ARHGAP6: variants seen among roughly 807,000 people sequenced by gnomAD.
ARHGAP6 encodes rho GTPase-activating protein 6.
Under a neutral mutation model 55.7 loss-of-function variants are expected in ARHGAP6, and 16 were observed. That is an observed-to-expected ratio of 0.29 (90% confidence interval 0.19 to 0.44). The LOEUF (loss-of-function observed/expected upper bound fraction) is 0.44, where lower values mean the gene tolerates loss of function less well. Ranked by LOEUF, ARHGAP6 falls within the 20% of genes least tolerant of loss-of-function variation. The pLI, the probability that ARHGAP6 is intolerant of heterozygous loss-of-function variation, is 1.00. For synonymous variants in ARHGAP6, 382 were observed against 360.9 expected, an observed-to-expected ratio of 1.06 and a Z score of -0.66; for missense variants, 698 against 808.9, an observed-to-expected ratio of 0.86 and a Z score of 1.66.
At chrX:11,325,034 A>T (rs1269447467) in intron 1 of ARHGAP6, among the ~76,000 whole-genome samples, 7 of 111,049 alleles carry the variant, frequency 6.3e-5, no homozygotes, top group Middle Eastern at 4.2e-3. Context: ...AATTTTTTGT[A>T]TTTTTAGTAG....
intron 1 of ARHGAP6, among the ~76,000 whole-genome samples, chrX:11,382,858 A>G (rs1422888207): frequency 8.9e-6 from 1 of 112,300 alleles, no homozygotes; most frequent in African/African-American, 3.2e-5. Context: ...AAAGTCAGAA[A>G]CAACGAGGTC....
chrX:11,302,242 T>A (rs1359110909), intron 1 of ARHGAP6, among the ~76,000 whole-genome samples: 1 of 112,598 alleles, frequency 8.9e-6, no homozygotes, highest in Non-Finnish European at 1.9e-5. Context: ...AATATTTCCA[T>A]CACCATTCAG....
intron 1 of ARHGAP6, among the ~76,000 whole-genome samples, chrX:11,455,382 T>C (rs1414416909): frequency 1.8e-5 from 2 of 112,369 alleles, no homozygotes; most frequent in Non-Finnish European, 3.8e-5. Context: ...GAATAGTTAC[T>C]GATACTAGTT....
chrX:11,591,553 A>T lies in ARHGAP6; in HGVS notation c.588+72688T>A, dbSNP rs138763561. Among the ~76,000 whole-genome samples, 46 of 111,105 alleles carry T rather than the reference A, an allele frequency of 4.1e-4. 1 individual carries two copies. The East Asian group carries it at 0.011, about 26-fold the overall frequency. On this transcript the variant is annotated intron_variant, in intron 1 of 12. Coordinates refer to ENST00000337414, the MANE Select transcript of ARHGAP6 (RefSeq NM_013427.3). ...TGCTAGCCATAAAAAGAAATGAAGA[A>T]CTGATACATACTACAACACGGGTGC...
At chrX:11,498,740 G>C (rs1273360108) in intron 1 of ARHGAP6, among the ~76,000 whole-genome samples, 2 of 110,934 alleles carry the variant, frequency 1.8e-5, no homozygotes, top group African/African-American at 6.5e-5. Flanking sequence ...TGGGCAAAGG[G>C]AATTTAAAAA....
intron 1 of ARHGAP6, among the ~76,000 whole-genome samples, chrX:11,633,973 T>C (rs1601715864): frequency 1.8e-5 from 2 of 111,660 alleles, no homozygotes; most frequent in East Asian, 2.8e-4. Flanking sequence ...TAAGTTAATA[T>C]TTGTAAAACA....
chrX:11,624,999 C>A (rs1450140004), intron 1 of ARHGAP6, among the ~76,000 whole-genome samples: 1 of 111,805 alleles, frequency 8.9e-6, no homozygotes, highest in Non-Finnish European at 1.9e-5. Flanking sequence ...ATCCAAAAGA[C>A]AGAAAATAAC....
intron 1 of ARHGAP6, among the ~76,000 whole-genome samples, chrX:11,396,689 A>G (rs1354202636): frequency 1.8e-5 from 2 of 111,555 alleles, no homozygotes; most frequent in East Asian, 2.8e-4. Flanking sequence ...GAATGCCAAG[A>G]TGAGAGACGC....
At chrX:11,315,591 G>A (rs2048351278) in intron 1 of ARHGAP6, among the ~76,000 whole-genome samples, 1 of 111,737 alleles carries the variant, frequency 8.9e-6, no homozygotes, top group African/African-American at 3.3e-5. Context: ...AAAAGACGAA[G>A]GCTGTTTTTT....
intron 1 of ARHGAP6, among the ~76,000 whole-genome samples, chrX:11,281,614 C>T (rs1213213132): frequency 9.0e-6 from 1 of 110,879 alleles, no homozygotes; most frequent in East Asian, 2.8e-4. Context: ...AAGATATCCA[C>T]TATATGTAAA....
At chrX:11,487,182 T>C (rs1200660366) in intron 1 of ARHGAP6, among the ~76,000 whole-genome samples, 4 of 112,571 alleles carry the variant, frequency 3.6e-5, no homozygotes, top group Non-Finnish European at 7.5e-5. Flanking sequence ...TGTACATATA[T>C]GCATATGTGT....
At chrX:11,473,466 C>T (rs1216334062) in intron 1 of ARHGAP6, among the ~76,000 whole-genome samples, 1 of 111,226 alleles carries the variant, frequency 9.0e-6, no homozygotes, top group Admixed American at 9.5e-5. Context: ...GTAAGGGTGT[C>T]CTTACAGAAA....
chrX:11,309,150 G>T (rs747399693), intron 1 of ARHGAP6, among the ~76,000 whole-genome samples: 1 of 111,974 alleles, frequency 8.9e-6, no homozygotes, highest in East Asian at 2.8e-4. Context: ...ATTACCCCAT[G>T]GAATCTTTCA....
intron 1 of ARHGAP6, among the ~76,000 whole-genome samples, chrX:11,379,835 A>G (rs747883831): frequency 2.7e-5 from 3 of 110,553 alleles, no homozygotes; most frequent in Admixed American, 1.9e-4. Context: ...GTCAGCCTTA[A>G]ATTCTACTCT....
At chrX:11,426,401 C>A (rs1449147299) in intron 1 of ARHGAP6, among the ~76,000 whole-genome samples, 3 of 109,984 alleles carry the variant, frequency 2.7e-5, no homozygotes, top group African/African-American at 1.0e-4. Flanking sequence ...TTGGAAGACA[C>A]GAATTCCAGA....
chrX:11,416,962 G>A (rs1206622285), intron 1 of ARHGAP6, among the ~76,000 whole-genome samples: 3 of 103,706 alleles, frequency 2.9e-5, no homozygotes, highest in Non-Finnish European at 5.9e-5. Context: ...AAAGCAGTTT[G>A]CTAGTGAAAA....
chrX:11,317,157 T>G (rs1252333101), intron 1 of ARHGAP6, among the ~76,000 whole-genome samples: 1 of 112,450 alleles, frequency 8.9e-6, no homozygotes, highest in Non-Finnish European at 1.9e-5. Flanking sequence ...TTGGAAATGT[T>G]TCCTAGAATG....
chrX:11,624,072 C>T (rs1178324158), intron 1 of ARHGAP6, among the ~76,000 whole-genome samples: 3 of 111,785 alleles, frequency 2.7e-5, no homozygotes, highest in Non-Finnish European at 5.6e-5. Flanking sequence ...AATAAATCCA[C>T]ACTTTATAGC....
intron 1 of ARHGAP6, among the ~76,000 whole-genome samples, chrX:11,500,298 G>A (rs1431573011): frequency 9.3e-6 from 1 of 107,676 alleles, no homozygotes; most frequent in Non-Finnish European, 1.9e-5. Context: ...GTACTCCACT[G>A]AGAATAAAAT....
Sources: gnomAD v4.1 joint callset for allele counts (sites outside exome capture counted in the v4.1 genomes callset) on GRCh38, gnomAD v4.1.1 for gene constraint, MANE v1.5 for transcripts, NCBI Gene and HGNC (gene_info 2026-07-23, HGNC 2026-07-21) for gene names.